Variants in EPB41L3 observed in about 807,000 individuals in gnomAD.
EPB41L3 encodes the protein band 4.1-like protein 3.
A neutral mutation model predicts 127.1 loss-of-function variants in EPB41L3; 57 were observed. The ratio of observed to expected loss-of-function variants is 0.45; its 90% confidence interval spans 0.36 to 0.56. EPB41L3 has a LOEUF of 0.56. Among genes scored for constraint, EPB41L3 ranks in the 20% least tolerant of loss-of-function variants. EPB41L3 has a pLI of 0.00. For missense variants in EPB41L3, 1,273 were observed against 1,372.2 expected (o/e 0.93, Z 1.14); for synonymous variants, 572 against 549.5 (o/e 1.04, Z -0.57).
At chr18:5,434,273 T>G in intron 6 of EPB41L3, 152 bp from the exon 7 acceptor site, 2 of 630,896 alleles carry the variant, frequency 3.2e-6, no homozygotes, top group East Asian at 2.7e-5. Context: ...TGATATTTAC[T>G]TCATACATAC....
intron 16 of EPB41L3, chr18:5,400,960 G>C: frequency 4.0e-6 from 6 of 1,516,564 alleles, no homozygotes; most frequent in Non-Finnish European, 5.3e-6. Flanking sequence ...CTTTATGTTT[G>C]GTTTTTACCT....
intron 1 of EPB41L3, among the ~76,000 whole-genome samples, chr18:5,504,430 C>G (rs145292346): frequency 6.6e-6 from 1 of 152,270 alleles, no homozygotes; most frequent in African/African-American, 2.4e-5. Context: ...TCTTTTCACC[C>G]AGACAGCCCT....
chr18:5,599,118 A>G (rs1465527292), intron 3 of EPB41L3, among the ~76,000 whole-genome samples: 4 of 152,224 alleles, frequency 2.6e-5, no homozygotes, highest in Non-Finnish European at 4.4e-5. Flanking sequence ...GACACAACCT[A>G]GATAAATCAT....
intron 1 of EPB41L3, among the ~76,000 whole-genome samples, chr18:5,619,773 T>C: frequency 6.6e-6 from 1 of 152,216 alleles, no homozygotes; most frequent in East Asian, 1.9e-4. Context: ...ATAAATCCTC[T>C]TGTTATGCTT....
At chr18:5,535,021 T>C (rs925270277) in intron 1 of EPB41L3, among the ~76,000 whole-genome samples, 1 of 152,136 alleles carries the variant, frequency 6.6e-6, no homozygotes, top group Non-Finnish European at 1.5e-5. Flanking sequence ...TGAGTCAGCA[T>C]TACCACCTGA....
chr18:5,456,368 C>G (rs2083065252), intron 3 of EPB41L3, among the ~76,000 whole-genome samples: 2 of 152,058 alleles, frequency 1.3e-5, no homozygotes, highest in Admixed American at 1.3e-4. Flanking sequence ...ACATAAACCA[C>G]CAGCATATTT....
chr18:5,526,750 C>T (rs1188754484), intron 1 of EPB41L3, among the ~76,000 whole-genome samples: 2 of 152,106 alleles, frequency 1.3e-5, no homozygotes, highest in East Asian at 3.9e-4. Context: ...AATGATGTTG[C>T]CAATAGAAAA....
upstream of EPB41L3, among the ~76,000 whole-genome samples, chr18:5,629,259 G>A (rs1316476762): frequency 6.6e-6 from 1 of 152,120 alleles, no homozygotes; most frequent in African/African-American, 2.4e-5. Context: ...CCGGGAGCTG[G>A]AGCTGGAGGA....
chr18:5,582,437 T>C (rs1281528138), intron 3 of EPB41L3, among the ~76,000 whole-genome samples: 3 of 152,212 alleles, frequency 2.0e-5, no homozygotes, highest in Non-Finnish European at 4.4e-5. Context: ...GATTTAAATA[T>C]TTATCTCCAC....
intron 3 of EPB41L3, among the ~76,000 whole-genome samples, chr18:5,448,806 T>C (rs2081898545): frequency 6.6e-6 from 1 of 152,192 alleles, no homozygotes; most frequent in African/African-American, 2.4e-5. Context: ...TGGCTTGCCC[T>C]CTTCTTAAAA....
chr18:5,461,710 T>C (rs1169384840), intron 3 of EPB41L3, among the ~76,000 whole-genome samples: 7 of 152,198 alleles, frequency 4.6e-5, no homozygotes, highest in African/African-American at 1.7e-4. Flanking sequence ...TCCTAAATTC[T>C]ATTTATACAG....
intron 2 of EPB41L3, among the ~76,000 whole-genome samples, chr18:5,613,134 C>T (rs1203108996): frequency 6.6e-6 from 1 of 152,140 alleles, no homozygotes; most frequent in East Asian, 1.9e-4. Flanking sequence ...TGAGAGGACA[C>T]ACTTGCAGAG....
At chr18:5,513,339 A>G (rs2092620631) in intron 1 of EPB41L3, among the ~76,000 whole-genome samples, 2 of 152,232 alleles carry the variant, frequency 1.3e-5, no homozygotes, top group Admixed American at 1.3e-4. Context: ...TGTAGAGAAA[A>G]GAGAAAGCCA....
intron 3 of EPB41L3, among the ~76,000 whole-genome samples, chr18:5,550,215 T>C (rs553420347): frequency 6.6e-6 from 1 of 152,118 alleles, no homozygotes; most frequent in Admixed American, 6.6e-5. Flanking sequence ...ACCCTGCAAA[T>C]AGAGAATTTC....
At chr18:5,439,078 C>G (rs575953359) in intron 5 of EPB41L3, among the ~76,000 whole-genome samples, 1 of 152,234 alleles carries the variant, frequency 6.6e-6, no homozygotes, top group African/African-American at 2.4e-5. Flanking sequence ...CTGGGTATCT[C>G]TTCTCTGTGG....
At chr18:5,495,385 C>A (rs2091052863) in intron 1 of EPB41L3, among the ~76,000 whole-genome samples, 1 of 143,858 alleles carries the variant, frequency 7.0e-6, no homozygotes, top group African/African-American at 2.6e-5. Context: ...ATTTACAAAT[C>A]AGTATTGGAA....
At chr18:5,481,280 A>C (rs73379566) in intron 2 of EPB41L3, among the ~76,000 whole-genome samples, 5,396 of 152,286 alleles carry the variant, frequency 0.035, 177 homozygotes, top group African/African-American at 0.088. Context: ...TATACAGCAC[A>C]AGATTTTCAC....
intron 3 of EPB41L3, among the ~76,000 whole-genome samples, chr18:5,575,737 T>C (rs967957261): frequency 3.9e-5 from 6 of 152,232 alleles, no homozygotes; most frequent in Admixed American, 1.3e-4. Flanking sequence ...CTTGGGAAGC[T>C]GAGGCAGGAG....
intron 2 of EPB41L3, among the ~76,000 whole-genome samples, chr18:5,481,220 A>G (rs1012916165): frequency 4.6e-5 from 7 of 152,210 alleles, no homozygotes; most frequent in African/African-American, 1.2e-4. Context: ...GTGGCACAGA[A>G]GCAAGCTGGT....
Sources: gnomAD v4.1 joint callset for allele counts (sites outside exome capture counted in the v4.1 genomes callset) on GRCh38, gnomAD v4.1.1 for gene constraint, MANE v1.5 for transcripts, NCBI Gene and HGNC (gene_info 2026-07-23, HGNC 2026-07-21) for gene names.